Variants in GPC6 observed in about 807,000 individuals in gnomAD.
GPC6 encodes glypican-6.
Under a neutral mutation model 55.2 loss-of-function variants are expected in GPC6, and 14 were observed. The ratio of observed to expected loss-of-function variants is 0.25; its 90% CI spans 0.17 to 0.40. GPC6 has a LOEUF of 0.40. Among genes scored for constraint, GPC6 ranks in the 10% least tolerant of loss-of-function variants. The pLI, the probability that GPC6 is intolerant of heterozygous loss-of-function variation, is 1.00. For synonymous variants in GPC6, 278 were observed against 259.6 expected, an observed-to-expected ratio of 1.07 and a Z score of -0.68; for missense variants, 641 against 708.5, an observed-to-expected ratio of 0.90 and a Z score of 1.08.
chr13:94,222,431 C>T (rs1890411880), intron 4 of GPC6, among the ~76,000 whole-genome samples: 3 of 151,994 alleles, frequency 2.0e-5, no homozygotes, highest in African/African-American at 7.2e-5. Flanking sequence ...TGTCACTAAT[C>T]CTAGAGACAC....
At chr13:94,381,095 G>A (rs779589594) in intron 6 of GPC6, among the ~76,000 whole-genome samples, 1 of 152,166 alleles carries the variant, frequency 6.6e-6, no homozygotes, top group Non-Finnish European at 1.5e-5. Context: ...GATGAAGGTG[G>A]CAGCCTGCCA....
At chr13:94,128,174 A>C (rs558680892) in intron 4 of GPC6, among the ~76,000 whole-genome samples, 1 of 152,288 alleles carries the variant, frequency 6.6e-6, no homozygotes, top group African/African-American at 2.4e-5. Context: ...ACTTTTGATG[A>C]AAATTTAGGA....
intron 4 of GPC6, among the ~76,000 whole-genome samples, chr13:94,131,133 A>G (rs537869690): frequency 6.6e-6 from 1 of 152,118 alleles, no homozygotes; most frequent in Non-Finnish European, 1.5e-5. Flanking sequence ...CAACATAATT[A>G]AGATTCCTAA....
chr13:93,537,748 T>A (rs1882117231), intron 1 of GPC6, among the ~76,000 whole-genome samples: 1 of 152,168 alleles, frequency 6.6e-6, no homozygotes, highest in Non-Finnish European at 1.5e-5. Flanking sequence ...CCTGTTACCA[T>A]CATTTCCATT....
chr13:93,490,492 TTTTTTTCTTTTTTTTTTTTG>T, intron 1 of GPC6, among the ~76,000 whole-genome samples: 1 of 131,444 alleles, frequency 7.6e-6, no homozygotes, highest in Non-Finnish European at 1.6e-5. Flanking sequence ...TTGAGTGATT[TTTTTTTCTTTTTTTTTTTTG>T]AGTTTTTTTT....
chr13:93,578,434 C>T lies in GPC6; in HGVS notation c.319+33013C>T, dbSNP rs542946099. Among the ~76,000 whole-genome samples the T allele has an allele frequency of 7.9e-5, 12 of 151,846 alleles. No homozygotes were observed. In the South Asian group the frequency reaches 2.5e-3, roughly 32 times the overall value. Reference sequence around the variant, plus strand: ...TCATATTCTGTCTTGGTAGAATTTACGTCTAGGAATTTATTCATTTTCTTC... The same window carrying T: ...TCATATTCTGTCTTGGTAGAATTTATGTCTAGGAATTTATTCATTTTCTTC... On this transcript the variant is annotated intron_variant, in intron 2 of 8. Coordinates refer to ENST00000377047, the MANE Select transcript of GPC6 (RefSeq NM_005708.5).
chr13:94,204,115 G>A (rs1046373074), intron 4 of GPC6, among the ~76,000 whole-genome samples: 2 of 151,924 alleles, frequency 1.3e-5, no homozygotes, highest in Non-Finnish European at 2.9e-5. Flanking sequence ...TTCTAGAAAG[G>A]GATAGATTTA....
chr13:93,466,125 GAC>G (rs1878894508), intron 1 of GPC6, among the ~76,000 whole-genome samples: 1 of 151,414 alleles, frequency 6.6e-6, no homozygotes, highest in South Asian at 2.1e-4. Context: ...ACCAGAATGC[GAC>G]ACATAGGCAT....
At chr13:93,318,417 G>A (rs936911440) in intron 1 of GPC6, among the ~76,000 whole-genome samples, 13 of 151,952 alleles carry the variant, frequency 8.6e-5, no homozygotes, top group African/African-American at 2.9e-4. Flanking sequence ...TGATTTAATT[G>A]GGAATAACAT....
chr13:93,582,038 G>A (rs1876961340), intron 2 of GPC6, among the ~76,000 whole-genome samples: 1 of 152,178 alleles, frequency 6.6e-6, no homozygotes, highest in Non-Finnish European at 1.5e-5. Context: ...CGGTTCACAT[G>A]AGAAGCTTTT....
chr13:93,223,017 C>T (rs1200751444), upstream of GPC6, among the ~76,000 whole-genome samples: 3 of 66,220 alleles, frequency 4.5e-5, no homozygotes, highest in Non-Finnish European at 9.7e-5. Flanking sequence ...TCAGGGAAAA[C>T]ACTTTTTTTT....
intron 2 of GPC6, among the ~76,000 whole-genome samples, chr13:93,653,518 T>G (rs1017280065): frequency 2.0e-5 from 3 of 151,986 alleles, no homozygotes; most frequent in Non-Finnish European, 1.5e-5. Flanking sequence ...GTCAAACACT[T>G]TATTTGAATT....
At chr13:94,316,744 AAAACCTT>A in intron 6 of GPC6, among the ~76,000 whole-genome samples, 1 of 152,174 alleles carries the variant, frequency 6.6e-6, no homozygotes, top group South Asian at 2.1e-4. Context: ...AGAATGAGCA[AAAACCTT>A]TTACTACTGG....
At chr13:93,962,167 C>T (rs1009859390) in intron 3 of GPC6, among the ~76,000 whole-genome samples, 2 of 152,142 alleles carry the variant, frequency 1.3e-5, no homozygotes, top group African/African-American at 2.4e-5. Context: ...ATAAGTCCCC[C>T]ACAACATGGT....
At chr13:93,560,752 C>G (rs1262620614) in intron 2 of GPC6, among the ~76,000 whole-genome samples, 1 of 137,522 alleles carries the variant, frequency 7.3e-6, no homozygotes, top group Non-Finnish European at 1.5e-5. Flanking sequence ...GGCGACAGAG[C>G]GAGACTCCGC....
chr13:93,273,312 A>G (rs563841903), intron 1 of GPC6, among the ~76,000 whole-genome samples: 53 of 152,320 alleles, frequency 3.5e-4, no homozygotes, highest in African/African-American at 1.2e-3. Context: ...AGTTGTAATA[A>G]TAGACATACA....
At chr13:94,159,388 G>A (rs1353444128) in intron 4 of GPC6, among the ~76,000 whole-genome samples, 2 of 152,130 alleles carry the variant, frequency 1.3e-5, no homozygotes, top group East Asian at 3.9e-4. Flanking sequence ...CACGTGGTTG[G>A]GGAGGCTTCA....
the GPC6 span, among the ~76,000 whole-genome samples, chr13:93,218,214 G>A: frequency 7.3e-5 from 11 of 151,668 alleles, no homozygotes; most frequent in Non-Finnish European, 1.3e-4. Flanking sequence ...TAAAATGTGC[G>A]AAGTTAATAT....
At chr13:93,260,454 G>A (rs1441333905) in intron 1 of GPC6, among the ~76,000 whole-genome samples, 2 of 151,990 alleles carry the variant, frequency 1.3e-5, no homozygotes, top group Non-Finnish European at 2.9e-5. Context: ...TTTAAGAATA[G>A]GAAACTTTGA....
Sources: allele counts gnomAD v4.1 joint callset (sites outside exome capture counted in the v4.1 genomes callset), GRCh38; gene constraint gnomAD v4.1.1; transcripts MANE v1.5; gene names NCBI Gene and HGNC (gene_info 2026-07-23, HGNC 2026-07-21).